CELF5: variants seen among roughly 807,000 people sequenced by gnomAD.
The protein encoded by CELF5 is CUG-BP and ETR-3 like factor 5.
CELF5 carries 6 observed loss-of-function variants against 54.9 expected under a neutral mutation model. The ratio of observed to expected loss-of-function variants is 0.11; its 90% CI spans 0.06 to 0.22. CELF5 has a LOEUF of 0.22. Ranked by LOEUF, CELF5 falls within the 10% of genes least tolerant of loss-of-function variation. CELF5 has a pLI of 1.00. For missense variants in CELF5, 401 were observed against 678.6 expected, an observed-to-expected ratio of 0.59 and a Z score of 4.54; for synonymous variants, 271 against 290.9, an observed-to-expected ratio of 0.93 and a Z score of 0.70.
chr19:3,240,170 C>T (rs1378463842), intron 1 of CELF5, among the ~76,000 whole-genome samples: 1 of 151,980 alleles, frequency 6.6e-6, no homozygotes, highest in Non-Finnish European at 1.5e-5. Flanking sequence ...GTGCACGCCA[C>T]CACACCTAGC....
chr19:3,230,528 C>T (rs545170775), intron 1 of CELF5, among the ~76,000 whole-genome samples: 3 of 152,228 alleles, frequency 2.0e-5, no homozygotes, highest in East Asian at 3.9e-4. Context: ...TTAGGTGAGG[C>T]GTGGGAGATG....
At position 3,282,161 on chromosome 19, in the gene CELF5, G is replaced by A. The variant is rs116925970; in HGVS notation, c.786G>A (p.Ser262=). 2.5e-6 allele frequency: 4 copies of A among 1,614,170 alleles called. No individual in the cohort carries two copies. Among genetic ancestry groups the A allele is most frequent in the East Asian group, 2.2e-5 (1 of 44,894 alleles). The part of the protein sequence containing the change: ...MQQQTTVLST[S]GSYLSPGVAF... ...AGCAGACAACAGTCCTGTCCACCTC[G>A]GGCAGCTACCTGAGTCCCGGCGTGG... The change falls in exon 7 of 13, where the codon TCG becomes TCA. Residue 262 remains serine (S), a synonymous_variant. Coordinates refer to ENST00000292672, the MANE Select transcript of CELF5 (RefSeq NM_021938.4). This position sits in a 1 kb window ranked among gnomAD's most constrained non-coding sequence, Gnocchi z 5.2.
intron 1 of CELF5, among the ~76,000 whole-genome samples, chr19:3,248,473 G>A (rs1316897130): frequency 6.6e-6 from 1 of 151,570 alleles, no homozygotes; most frequent in African/African-American, 2.4e-5. Flanking sequence ...TCTGTCTGTC[G>A]TTTTGTGTCT....
chr19:3,284,989 G>A lies in CELF5; in HGVS notation c.1102+25G>A, dbSNP rs753254024. ...GGTAGGAGGCAGCCCGCGTGCCCGC[G>A]CTGGGCCCTGGCCCCGCCCCCGCCT... On this transcript the variant is annotated intron_variant, in intron 9 of 12. Coordinates refer to ENST00000292672, the MANE Select transcript of CELF5 (RefSeq NM_021938.4). The A allele has an allele frequency of 4.7e-5, 71 of 1,522,996 alleles. 1 individual carries two copies. The highest frequency in any genetic ancestry group is 5.6e-5 in the Non-Finnish European group (62 of 1,107,300). The allele number at this position is 1,522,996 out of a possible 1,614,324, so 94.3% of individuals were successfully genotyped here. A position where few individuals can be genotyped will look rare whatever the true frequency, so the allele number is the denominator to read the frequency against.
chr19:3,269,766 CT>C (rs893033061), intron 2 of CELF5, among the ~76,000 whole-genome samples: 2 of 152,162 alleles, frequency 1.3e-5, no homozygotes, highest in African/African-American at 2.4e-5. Context: ...TCCCTTCCCC[CT>C]CTCCCTTTTT....
chr19:3,249,643 C>A (rs1455673205), intron 1 of CELF5, among the ~76,000 whole-genome samples: 5 of 152,236 alleles, frequency 3.3e-5, no homozygotes, highest in African/African-American at 1.2e-4. Context: ...GGCCCCGCCC[C>A]TCACCTCTCC....
chr19:3,227,199 A>G (rs2144959759), intron 1 of CELF5, among the ~76,000 whole-genome samples: 1 of 152,130 alleles, frequency 6.6e-6, no homozygotes, highest in African/African-American at 2.4e-5. Flanking sequence ...GCTTGGCACG[A>G]AGGGGTGGGG....
intron 12 of CELF5, 81 bp downstream of exon 12, chr19:3,293,567 A>G (rs1042597578): frequency 8.5e-7 from 1 of 1,181,346 alleles, no homozygotes; most frequent in Non-Finnish European, 1.1e-6. Flanking sequence ...TTCATGCTCC[A>G]AACCCTCCCC....
At position 3,282,363 on chromosome 19, in the gene CELF5, C is replaced by T. The variant is rs369054709; in HGVS notation, c.904C>T (p.Pro302Ser). Reference sequence around the variant, plus strand: ...CTTCCGCTCTGCAGGGCTGCACTCACCCCCGCTGCTGGGCACCACCGCTGT... The same window carrying T: ...CTTCCGCTCTGCAGGGCTGCACTCATCCCCGCTGCTGGGCACCACCGCTGT... ...PIAPASGLHS[P>S]PLLGTTAVPG... Residue 302 changes from proline (P) to serine (S), a missense_variant, in exon 8 of 13, where the codon CCC (proline) becomes TCC (serine). Pro to Ser is a moderately conservative substitution (Grantham distance 74, BLOSUM62 -1). This residue lies in a region of CELF5 where 143 missense variants were observed against 147.6 expected (regional missense o/e 0.97). Transcript: ENST00000292672. The surrounding 1 kb of genome is among the most constrained non-coding windows in gnomAD (Gnocchi z 5.2). The T allele has an allele frequency of 3.1e-6, 5 of 1,609,686 alleles. No homozygotes were observed. Among genetic ancestry groups the T allele is most frequent in the Non-Finnish European group, 4.2e-6 (5 of 1,179,944 alleles).
At chr19:3,274,251 G>T (rs2080012569) in intron 3 of CELF5, among the ~76,000 whole-genome samples, 1 of 152,128 alleles carries the variant, frequency 6.6e-6, no homozygotes, top group Non-Finnish European at 1.5e-5. Flanking sequence ...TTCAGACACA[G>T]ACAATGGGGG....
At chr19:3,277,529 T>C (rs2080076114) in intron 4 of CELF5, among the ~76,000 whole-genome samples, 1 of 146,212 alleles carries the variant, frequency 6.8e-6, no homozygotes, top group Non-Finnish European at 1.5e-5. Context: ...CCTTTAAAAA[T>C]GTACAATGAA....
At chr19:3,271,024 T>C (rs1334669022) in intron 2 of CELF5, among the ~76,000 whole-genome samples, 1 of 145,540 alleles carries the variant, frequency 6.9e-6, no homozygotes, top group African/African-American at 2.5e-5. Flanking sequence ...TATATTTAAA[T>C]ATCTCTTTTG....
intron 1 of CELF5, among the ~76,000 whole-genome samples, chr19:3,250,315 C>T (rs2079631105): frequency 6.6e-6 from 1 of 152,034 alleles, no homozygotes; most frequent in South Asian, 2.1e-4. Flanking sequence ...GGTGAAACCC[C>T]GCCTCTACTA....
chr19:3,246,370 T>C (rs1033160050), intron 1 of CELF5, among the ~76,000 whole-genome samples: 1 of 148,710 alleles, frequency 6.7e-6, no homozygotes, highest in African/African-American at 2.5e-5. Context: ...TCTCTCTCTC[T>C]CTCTCTCTCT....
chr19:3,247,540 G>A (rs977197853), intron 1 of CELF5, among the ~76,000 whole-genome samples: 1 of 151,552 alleles, frequency 6.6e-6, no homozygotes, highest in African/African-American at 2.4e-5. Flanking sequence ...GGGATTACAG[G>A]CATGAGCCAC....
intron 1 of CELF5, among the ~76,000 whole-genome samples, chr19:3,238,184 CT>C (rs2079443714): frequency 6.6e-6 from 1 of 151,940 alleles, no homozygotes; most frequent in South Asian, 2.1e-4. Context: ...GCGAAACCCC[CT>C]CTCTACTAAA....
At chr19:3,237,563 C>T (rs2079433823) in intron 1 of CELF5, among the ~76,000 whole-genome samples, 1 of 152,088 alleles carries the variant, frequency 6.6e-6, no homozygotes. Context: ...GGGAGTGTCT[C>T]TTAGCATGCT....
chr19:3,282,251 C>G lies in CELF5; in HGVS notation c.876C>G (p.Pro292=). 1 of 1,612,982 alleles carries G rather than the reference C, an allele frequency of 6.2e-7. No homozygotes were observed. The highest frequency in any genetic ancestry group is 8.5e-7 in the Non-Finnish European group (1 of 1,180,038). ...AVSLNGLPAT[P]IAPASGLHSP... is the part of the protein sequence containing the mutation. ...GCCTCAACGGGCTGCCTGCCACACCCATCGCTCCTGCCTCTGGTGAGCCTC... is the reference window on the plus strand; with the variant it reads ...GCCTCAACGGGCTGCCTGCCACACCGATCGCTCCTGCCTCTGGTGAGCCTC... Residue 292 remains proline, a synonymous_variant, in exon 7 of 13, where the codon CCC becomes CCG. Coordinates refer to ENST00000292672, the MANE Select transcript of CELF5 (RefSeq NM_021938.4). The surrounding 1 kb of genome is among the most constrained non-coding windows in gnomAD (Gnocchi z 5.2).
intron 1 of CELF5, among the ~76,000 whole-genome samples, chr19:3,240,928 G>A (rs2079481931): frequency 6.6e-6 from 1 of 152,088 alleles, no homozygotes; most frequent in Admixed American, 6.6e-5. Context: ...CAGCTGCCCG[G>A]GCTGGAGAAA....
Sources: gnomAD v4.1 joint callset for allele counts (sites outside exome capture counted in the v4.1 genomes callset) on GRCh38, gnomAD v4.1.1 for gene constraint, gnomAD v4.1.1 regional missense constraint, Gnocchi (gnomAD v3.1) non-coding constraint, MANE v1.5 for transcripts, NCBI Gene and HGNC (gene_info 2026-07-23, HGNC 2026-07-21) for gene names.